TMEM47: variants seen among roughly 807,000 people sequenced by gnomAD.
The protein encoded by TMEM47 is brain cell membrane protein 1.
TMEM47 carries 3 observed loss-of-function variants against 12.4 expected under a neutral mutation model. That is an observed-to-expected ratio of 0.24 (90% CI 0.11 to 0.63). The LOEUF (loss-of-function observed/expected upper bound fraction) is 0.63, where lower values mean the gene tolerates loss of function less well. TMEM47 is among the 20% of genes least tolerant of loss of function. The pLI is 0.86. For synonymous variants in TMEM47, 62 were observed against 63.3 expected (o/e 0.98, Z 0.10); for missense variants, 89 against 143.8 (o/e 0.62, Z 1.95).
chrX:34,629,527 C>T lies in TMEM47; in HGVS notation c.*786G>A, dbSNP rs972388482. On this transcript the variant is annotated 3_prime_UTR_variant, in exon 3 of 3. Coordinates refer to ENST00000275954, the MANE Select transcript of TMEM47 (RefSeq NM_031442.4). ...TAAAAACAGTGAAGCTTGTTACATA[C>T]GCACACTTGTTTGCTGCAATGTTTG... 4.5e-5 allele frequency: 5 copies of T among 111,600 alleles called. 1 individual carries two copies. Among genetic ancestry groups the T allele is most frequent in the Admixed American group, 1.9e-4 (2 of 10,462 alleles). 9.2% of individuals were successfully genotyped at this position (111,600 alleles called of 1,213,427 possible). A position where few individuals can be genotyped will look rare whatever the true frequency, so the allele number is the denominator to read the frequency against.
chrX:34,639,476 C>T (rs1355525935), intron 1 of TMEM47, 89 bp from the exon 2 acceptor site: 1 of 916,426 alleles, frequency 1.1e-6, no homozygotes, highest in African/African-American at 2.0e-5. Flanking sequence ...TGCAGTGGCT[C>T]AACAGATGTG....
rs369832123 is a variant in TMEM47 at position 34,636,375 on chromosome X, T to A, written c.367+2872A>T. ...TCTGCAGATATAACATAAAGAATCA[T>A]CCTTAATAACATAATAAATGGGGAT... On this transcript the variant is annotated intron_variant, in intron 2 of 2. Transcript: ENST00000275954. 6.3e-5 allele frequency among the ~76,000 whole-genome samples: 7 copies of A among 111,772 alleles called. No individual in the cohort carries two copies. The East Asian group carries it at 2.0e-3, about 32-fold the overall frequency.
intron 1 of TMEM47, among the ~76,000 whole-genome samples, chrX:34,646,143 T>A (rs1313290263): frequency 9.0e-6 from 1 of 111,707 alleles, no homozygotes; most frequent in East Asian, 2.8e-4. Context: ...GGGTTACTAG[T>A]GTTTAACAAT....
intron 1 of TMEM47, among the ~76,000 whole-genome samples, chrX:34,656,557 G>A (rs1254705468): frequency 9.0e-6 from 1 of 111,265 alleles, no homozygotes; most frequent in South Asian, 3.9e-4. Context: ...AGAACAGGAG[G>A]AATGGCCACG....
At position 34,630,196 on chromosome X, in the gene TMEM47, A is replaced by G. The variant is rs762109598; in HGVS notation, c.*117T>C. 9.6e-5 allele frequency: 74 copies of G among 766,892 alleles called. No homozygotes were observed. Among genetic ancestry groups the G allele is most frequent in the Non-Finnish European group, 1.3e-4 (72 of 553,724 alleles). 63.2% of individuals were successfully genotyped at this position (766,892 alleles called of 1,213,427 possible). On this transcript the variant is annotated 3_prime_UTR_variant, in exon 3 of 3. Transcript: ENST00000275954. ...CCAAAAGGCAAAAAAGATTAAATCA[A>G]CTGAGCAAACTGCTTGATGCTCCAC...
intron 1 of TMEM47, among the ~76,000 whole-genome samples, chrX:34,640,511 T>C (rs1007597010): frequency 1.8e-5 from 2 of 111,955 alleles, no homozygotes; most frequent in Non-Finnish European, 3.8e-5. Flanking sequence ...AAACATCATA[T>C]AAAACGATAC....
Position 34,637,289 on chromosome X carries a change from A to C in TMEM47, c.367+1958T>G, listed in dbSNP as rs140569176. 6.0e-3 allele frequency among the ~76,000 whole-genome samples: 663 copies of C among 110,731 alleles called. 5 individuals carry two copies. The highest frequency in any genetic ancestry group is 0.02 in the African/African-American group (619 of 30,461). Reference sequence around the variant, plus strand: ...CTCTTAGCTATTCTAGCAACTATTCAAGAAGGTAATAAGCCCGCCCTAAAT... The same window carrying C: ...CTCTTAGCTATTCTAGCAACTATTCCAGAAGGTAATAAGCCCGCCCTAAAT... On this transcript the variant is annotated intron_variant, in intron 2 of 2. Coordinates refer to ENST00000275954, the MANE Select transcript of TMEM47 (RefSeq NM_031442.4).
At chrX:34,652,794 T>C (rs1205865105) in intron 1 of TMEM47, among the ~76,000 whole-genome samples, 2 of 111,988 alleles carry the variant, frequency 1.8e-5, no homozygotes, top group Non-Finnish European at 3.8e-5. Flanking sequence ...GTCTATGATG[T>C]CTAGGTTAAA....
rs949243480 is a variant in TMEM47, at chrX:34,657,123, C to G, written c.-94G>C. 3 of 1,043,081 alleles carry G rather than the reference C, an allele frequency of 2.9e-6. No individual in the cohort carries two copies. Among genetic ancestry groups the G allele is most frequent in the African/African-American group, 4.0e-5 (2 of 49,906 alleles). The allele number at this position is 1,043,081 out of a possible 1,213,427, so 86.0% of individuals were successfully genotyped here. A position where few individuals can be genotyped will look rare whatever the true frequency, so the allele number is the denominator to read the frequency against. ...CGGACCTCCCGAAGGGAGAAGCCGC[C>G]GAGCTGCCACGCGCGGGGACTCGCT... On this transcript the variant is annotated 5_prime_UTR_variant, in exon 1 of 3. Coordinates refer to ENST00000275954, the MANE Select transcript of TMEM47 (RefSeq NM_031442.4).
At chrX:34,652,476 T>C (rs758911754) in intron 1 of TMEM47, among the ~76,000 whole-genome samples, 4 of 112,207 alleles carry the variant, frequency 3.6e-5, no homozygotes, top group Non-Finnish European at 7.5e-5. Context: ...TTGTTTGTTT[T>C]TGTTTTGTTT....
At chrX:34,631,840 A>T (rs1275955801) in intron 2 of TMEM47, among the ~76,000 whole-genome samples, 1 of 112,095 alleles carries the variant, frequency 8.9e-6, no homozygotes, top group Admixed American at 9.5e-5. Context: ...ATCAATTATT[A>T]TGTAATTTTA....
At chrX:34,653,508 C>G (rs1480546840) in intron 1 of TMEM47, among the ~76,000 whole-genome samples, 1 of 111,634 alleles carries the variant, frequency 9.0e-6, no homozygotes, top group Non-Finnish European at 1.9e-5. Context: ...CATGAAATAG[C>G]TATGTATTTA....
intron 2 of TMEM47, among the ~76,000 whole-genome samples, chrX:34,633,406 A>G (rs147780892): frequency 5.6e-4 from 62 of 111,116 alleles, no homozygotes; most frequent in African/African-American, 2.0e-3. Context: ...AGGCACTGCA[A>G]AACTCCCATC....
chrX:34,645,592 G>C (rs1467864472), intron 1 of TMEM47, among the ~76,000 whole-genome samples: 1 of 111,673 alleles, frequency 9.0e-6, no homozygotes, highest in African/African-American at 3.2e-5. Flanking sequence ...TATTGGCTAA[G>C]TTGCATTCTG....
At chrX:34,653,939 A>C (rs1243452395) in intron 1 of TMEM47, among the ~76,000 whole-genome samples, 1 of 111,142 alleles carries the variant, frequency 9.0e-6, no homozygotes, top group Non-Finnish European at 1.9e-5. Context: ...CTTAGAACTT[A>C]AGATGAGTGC....
At chrX:34,656,405 C>G (rs1481721816) in intron 1 of TMEM47, among the ~76,000 whole-genome samples, 1 of 110,025 alleles carries the variant, frequency 9.1e-6, no homozygotes, top group Non-Finnish European at 1.9e-5. Context: ...CAGCGAACCC[C>G]CGCAGCATCT....
At chrX:34,652,477 T>A (rs1922034328) in intron 1 of TMEM47, among the ~76,000 whole-genome samples, 1 of 112,239 alleles carries the variant, frequency 8.9e-6, no homozygotes, top group Non-Finnish European at 1.9e-5. Flanking sequence ...TGTTTGTTTT[T>A]GTTTTGTTTT....
At chrX:34,644,866 T>G (rs1317218737) in intron 1 of TMEM47, among the ~76,000 whole-genome samples, 1 of 111,745 alleles carries the variant, frequency 8.9e-6, no homozygotes, top group Non-Finnish European at 1.9e-5. Context: ...TTTGTCAGAC[T>G]GGCACTTGTA....
At chrX:34,653,367 TA>T (rs57746644) in intron 1 of TMEM47, among the ~76,000 whole-genome samples, 1 of 110,314 alleles carries the variant, frequency 9.1e-6, no homozygotes, top group African/African-American at 3.3e-5. Flanking sequence ...TATTTTGGGA[TA>T]AAAAAAGGAA....
Sources: gnomAD v4.1 joint callset for allele counts (sites outside exome capture counted in the v4.1 genomes callset) on GRCh38, gnomAD v4.1.1 for gene constraint, MANE v1.5 for transcripts, NCBI Gene and HGNC (gene_info 2026-07-23, HGNC 2026-07-21) for gene names.